The following DOCK7 variants were observed in gnomAD, a reference collection of about 807,000 sequenced individuals.
The protein encoded by DOCK7 is dedicator of cytokinesis 7, also known as dedicator of cytokinesis protein 7.
Under a neutral mutation model 271.0 loss-of-function variants are expected in DOCK7, and 138 were observed. The ratio of observed to expected loss-of-function variants is 0.51; its 90% CI spans 0.44 to 0.59. The LOEUF (loss-of-function observed/expected upper bound fraction) is 0.59. DOCK7 is among the 20% of genes least tolerant of loss of function. The pLI, the probability that DOCK7 is intolerant of heterozygous loss-of-function variation, is 0.00. For missense variants in DOCK7, 2,066 were observed against 2,592.4 expected (o/e 0.80, Z 4.41); for synonymous variants, 823 against 876.1 (o/e 0.94, Z 1.07).
Position 62,565,184 on chromosome 1 carries a change from C to T in DOCK7, c.2113-3481G>A, listed in dbSNP as rs547309437. Reference sequence around the variant, plus strand: ...AAACAACAGAAAAAGAGGGACTCCTCCCTAACTCATTTTATGAGGCCAGCA... The same window carrying T: ...AAACAACAGAAAAAGAGGGACTCCTTCCTAACTCATTTTATGAGGCCAGCA... On this transcript the variant is annotated intron_variant, in intron 18 of 49. Coordinates refer to ENST00000635253, the MANE Select transcript of DOCK7 (RefSeq NM_001367561.1). 2.0e-5 allele frequency among the ~76,000 whole-genome samples: 3 copies of T among 152,248 alleles called. No individual in the cohort carries two copies. The South Asian group carries it at 6.2e-4, about 32-fold the overall frequency.
At chr1:62,545,511 T>C (rs531237484) in intron 22 of DOCK7, among the ~76,000 whole-genome samples, 74 of 152,216 alleles carry the variant, frequency 4.9e-4, no homozygotes, top group African/African-American at 1.7e-3. Flanking sequence ...CATAATTCTA[T>C]TTGAGCTTGC....
intron 41 of DOCK7, 58 bp downstream of exon 41, chr1:62,492,646 T>A: frequency 1.3e-6 from 2 of 1,595,466 alleles, no homozygotes; most frequent in South Asian, 2.2e-5. Flanking sequence ...TAAATACACA[T>A]GTCATTGATA....
At position 62,475,725 on chromosome 1, in the gene DOCK7, A is replaced by G; in HGVS notation, c.5943T>C (p.Asn1981=). 6.2e-7 allele frequency: 1 copy of G among 1,613,918 alleles called. No individual in the cohort carries two copies. Among genetic ancestry groups the G allele is most frequent in the Non-Finnish European group, 8.5e-7 (1 of 1,179,876 alleles). Reference sequence around the variant, plus strand: ...GACTTACCTCTTCTTTATGAGTGACATTGACCCTTGTTTTAATATAAGGAA... The same window carrying G: ...GACTTACCTCTTCTTTATGAGTGACGTTGACCCTTGTTTTAATATAAGGAA... The part of the protein sequence containing the change: ...HAFPYIKTRV[N]VTHKEEIILT... The change falls in exon 46 of 50, where the codon AAT becomes AAC. Residue 1981 remains asparagine (N), a synonymous_variant. Transcript: ENST00000635253.
chr1:62,664,021 G>A (rs2149719669), intron 1 of DOCK7, among the ~76,000 whole-genome samples: 2 of 152,228 alleles, frequency 1.3e-5, no homozygotes, highest in South Asian at 4.1e-4. Context: ...AAAGAAATGA[G>A]TTATCAAGCC....
chr1:62,670,162 G>A (rs1290606953), intron 1 of DOCK7, among the ~76,000 whole-genome samples: 1 of 152,220 alleles, frequency 6.6e-6, no homozygotes, highest in African/African-American at 2.4e-5. Flanking sequence ...CGCCATGCCT[G>A]AGCCTCTCAC....
chr1:62,479,578 T>TA (rs998309836), intron 43 of DOCK7: 188 of 159,320 alleles, frequency 1.2e-3, no homozygotes, highest in African/African-American at 4.3e-3. Context: ...GCATGAAAAA[T>TA]AAAAAAAAGA....
intron 14 of DOCK7, chr1:62,604,815 T>G (rs772720883): frequency 1.2e-6 from 2 of 1,612,572 alleles, no homozygotes; most frequent in African/African-American, 2.7e-5. Flanking sequence ...AAGCTTTGAA[T>G]GAACTGAGGC....
chr1:62,569,777 G>A (rs997105814), intron 18 of DOCK7, among the ~76,000 whole-genome samples: 3 of 137,686 alleles, frequency 2.2e-5, no homozygotes, highest in African/African-American at 8.3e-5. Flanking sequence ...GCAGTGGTAC[G>A]ACCTCAGCTC....
intron 43 of DOCK7, 101 bp from the exon 44 acceptor site, chr1:62,477,926 T>C (rs531398423): frequency 9.2e-5 from 120 of 1,304,998 alleles, no homozygotes; most frequent in South Asian, 1.8e-4. Context: ...TTCCAAAACA[T>C]TGCAAAAAGT....
chr1:62,513,790 T>C lies in DOCK7; in HGVS notation c.4045A>G (p.Thr1349Ala), dbSNP rs770592950. ...ADETVLQKWF[T>A]DLSVLQLNRL... ...TTTAGCTGCAAGACTGAGAGATCTG[T>C]AAACCACTTCTGTAGAACTGTTTCA... The change falls in exon 32 of 50, where the codon ACA becomes GCA. Residue 1349 changes from threonine (T) to alanine (A), a missense_variant. This residue lies in a region of DOCK7 where 1,414 missense variants were observed against 1,670.4 expected (regional missense o/e 0.85). Transcript: ENST00000635253. The C allele has an allele frequency of 6.2e-7, 1 of 1,614,192 alleles. No individual in the cohort carries two copies. The highest frequency in any genetic ancestry group is 8.5e-7 in the Non-Finnish European group (1 of 1,180,014).
intron 14 of DOCK7, among the ~76,000 whole-genome samples, chr1:62,617,751 T>C (rs1652633583): frequency 6.6e-6 from 1 of 152,040 alleles, no homozygotes; most frequent in Admixed American, 6.6e-5. Context: ...GTAGCAATTA[T>C]AAAATTTTAA....
intron 48 of DOCK7, among the ~76,000 whole-genome samples, chr1:62,471,623 CAG>C (rs1645833242): frequency 6.6e-6 from 1 of 151,976 alleles, no homozygotes. Flanking sequence ...CACTGCACTA[CAG>C]AGTCTGGGCG....
chr1:62,671,192 T>C (rs914188104), intron 1 of DOCK7, among the ~76,000 whole-genome samples: 2 of 152,166 alleles, frequency 1.3e-5, no homozygotes, highest in East Asian at 1.9e-4. Flanking sequence ...TAACACTCAC[T>C]GCGAGGGTCC....
At chr1:62,635,658 A>C (rs1655175429) in intron 8 of DOCK7, 1 of 152,226 alleles carries the variant, frequency 6.6e-6, no homozygotes, top group South Asian at 2.1e-4. Flanking sequence ...GTTAGCAAAT[A>C]AAAGTTGCTA....
intron 14 of DOCK7, among the ~76,000 whole-genome samples, chr1:62,602,056 C>T (rs748026946): frequency 6.6e-6 from 1 of 151,412 alleles, no homozygotes; most frequent in Non-Finnish European, 1.5e-5. Flanking sequence ...TTCTCCTTTT[C>T]CTCTAAAATA....
intron 11 of DOCK7, 106 bp from the exon 12 acceptor site, chr1:62,625,507 T>C: frequency 2.7e-6 from 3 of 1,120,354 alleles, no homozygotes; most frequent in Non-Finnish European, 2.5e-6. Context: ...AATTACCCAC[T>C]CAGCATATCA....
intron 14 of DOCK7, among the ~76,000 whole-genome samples, chr1:62,613,650 G>A (rs1313886389): frequency 6.6e-6 from 1 of 152,058 alleles, no homozygotes; most frequent in Non-Finnish European, 1.5e-5. Context: ...AAGGTGTATA[G>A]GAAATCTGTC....
At position 62,496,393 on chromosome 1, in the gene DOCK7, T is replaced by C. The variant is rs1312308080; in HGVS notation, c.4869A>G (p.Ile1623Met). ...EEFLRRSLKT[I>M]LTYAEEDLEL... ...CCAGATCTTCTTCAGCATATGTCAA[T>C]ATAGTCTTTAGAGAACGTCTTAAGA... is the stretch of plus-strand genomic sequence containing the variant. The change falls in exon 38 of 50, where the codon ATA becomes ATG. Residue 1623 changes from isoleucine (I) to methionine (M), a missense_variant. By Grantham distance (10) the Ile-to-Met change is conservative. This residue lies in a region of DOCK7 where 652 missense variants were observed against 922.1 expected (regional missense o/e 0.71). Coordinates refer to ENST00000635253, the MANE Select transcript of DOCK7 (RefSeq NM_001367561.1). 6.8e-6 allele frequency: 11 copies of C among 1,613,656 alleles called. No individual in the cohort carries two copies. Among genetic ancestry groups the C allele is most frequent in the Admixed American group, 1.7e-5 (1 of 60,002 alleles).
intron 15 of DOCK7, chr1:62,583,993 G>T: frequency 3.7e-6 from 1 of 273,646 alleles, no homozygotes. Flanking sequence ...ATGTGAGACA[G>T]ACTTGCAGTG....
Sources: allele counts gnomAD v4.1 joint callset (sites outside exome capture counted in the v4.1 genomes callset), GRCh38; gene constraint gnomAD v4.1.1; regional missense constraint gnomAD v4.1.1; transcripts MANE v1.5; gene names NCBI Gene and HGNC (gene_info 2026-07-23, HGNC 2026-07-21).